Variants in RALB observed in about 807,000 individuals in gnomAD.
RALB encodes ras-related protein Ral-B.
A neutral mutation model predicts 21.3 loss-of-function variants in RALB; 16 were observed. The ratio of observed to expected loss-of-function variants is 0.75; its 90% confidence interval spans 0.51 to 1.14. The LOEUF (loss-of-function observed/expected upper bound fraction) is 1.14, where lower values mean the gene tolerates loss of function less well. RALB is among the 50% of genes most tolerant of loss of function. RALB has a pLI of 0.00. For missense variants in RALB, 161 were observed against 256.2 expected (o/e 0.63, Z 2.54); for synonymous variants, 93 against 96.1 (o/e 0.97, Z 0.19).
intron 1 of RALB, among the ~76,000 whole-genome samples, chr2:120,262,030 A>T (rs1689378125): frequency 6.6e-6 from 1 of 152,204 alleles, no homozygotes. Context: ...CTTGGCTGGG[A>T]CATCCACATG....
intron 1 of RALB, among the ~76,000 whole-genome samples, chr2:120,242,869 A>G (rs1688916255): frequency 6.6e-6 from 1 of 152,220 alleles, no homozygotes; most frequent in Non-Finnish European, 1.5e-5. Context: ...TGAGGCCATG[A>G]GTTCGAGACT....
chr2:120,281,911 G>A (rs1689999477), intron 2 of RALB, among the ~76,000 whole-genome samples: 1 of 152,082 alleles, frequency 6.6e-6, no homozygotes, highest in South Asian at 2.1e-4. Context: ...CTTCCCCAGG[G>A]AATATTCGTA....
chr2:120,265,682 T>C (rs1689484144), intron 1 of RALB, among the ~76,000 whole-genome samples: 1 of 152,200 alleles, frequency 6.6e-6, no homozygotes, highest in Non-Finnish European at 1.5e-5. Flanking sequence ...CTGCTAGGGC[T>C]CCAGTCCCAG....
At chr2:120,245,620 G>T (rs576725807) in intron 1 of RALB, among the ~76,000 whole-genome samples, 1 of 152,150 alleles carries the variant, frequency 6.6e-6, no homozygotes, top group Admixed American at 6.5e-5. Context: ...GCCTTGCTCC[G>T]GGGTGTGTAC....
upstream of RALB, among the ~76,000 whole-genome samples, chr2:120,248,833 C>T (rs1689011065): frequency 6.6e-6 from 1 of 152,048 alleles, no homozygotes; most frequent in Non-Finnish European, 1.5e-5. Context: ...CACTGTCTGG[C>T]TAATTTTTTT....
intron 1 of RALB, among the ~76,000 whole-genome samples, chr2:120,243,939 G>C (rs1688930507): frequency 6.6e-6 from 1 of 152,132 alleles, no homozygotes; most frequent in Non-Finnish European, 1.5e-5. Flanking sequence ...AACTACCCGA[G>C]ACTGGGTAAT....
chr2:120,276,793 C>T (rs1286597092), intron 1 of RALB, among the ~76,000 whole-genome samples: 2 of 152,076 alleles, frequency 1.3e-5, no homozygotes, highest in Non-Finnish European at 1.5e-5. Flanking sequence ...ATTTAGTCCT[C>T]AGAACATTCC....
chr2:120,286,998 A>G (rs2104657570), intron 3 of RALB, among the ~76,000 whole-genome samples: 1 of 152,250 alleles, frequency 6.6e-6, no homozygotes, highest in South Asian at 2.1e-4. Context: ...TACATAATTG[A>G]GTTTTAAAAA....
chr2:120,279,497 AT>A (rs368380428), intron 2 of RALB, among the ~76,000 whole-genome samples: 20 of 152,364 alleles, frequency 1.3e-4, no homozygotes, highest in African/African-American at 4.6e-4. Context: ...AAATTAAAAC[AT>A]GCAATGTAAC....
chr2:120,262,631 C>T (rs997196754), intron 1 of RALB, among the ~76,000 whole-genome samples: 1 of 152,168 alleles, frequency 6.6e-6, no homozygotes, highest in South Asian at 2.1e-4. Context: ...CCAAACGTGG[C>T]TGGGGAGGTG....
upstream of RALB, among the ~76,000 whole-genome samples, chr2:120,248,293 C>T (rs79483785): frequency 6.6e-6 from 1 of 152,288 alleles, no homozygotes; most frequent in African/African-American, 2.4e-5. Flanking sequence ...TATGAATACA[C>T]TCCTGCCAGC....
chr2:120,257,451 G>A (rs1266852812), intron 1 of RALB, among the ~76,000 whole-genome samples: 1 of 152,112 alleles, frequency 6.6e-6, no homozygotes, highest in African/African-American at 2.4e-5. Flanking sequence ...TGGATCCTGA[G>A]CCTGAGCCTG....
In RALB at chr2:120,256,839, G is replaced by GT. The variant is rs1250804912; in HGVS notation, c.-48+3860dup. Among the ~76,000 whole-genome samples the GT allele has an allele frequency of 5.9e-5, 9 of 152,324 alleles. No homozygotes were observed. The East Asian group carries it at 1.7e-3, about 29-fold the overall frequency. Reference sequence around the variant, plus strand: ...CAAGAGGGGAGGTCAGGGCACATCAGTATTCTTGGAGGCTAGCCACCACAA... The same window carrying GT: ...CAAGAGGGGAGGTCAGGGCACATCAGTTATTCTTGGAGGCTAGCCACCACAA... On this transcript the variant is annotated intron_variant, in intron 1 of 4. Coordinates refer to ENST00000272519, the MANE Select transcript of RALB (RefSeq NM_002881.3).
intron 1 of RALB, among the ~76,000 whole-genome samples, chr2:120,266,401 C>T (rs4274598): frequency 0.23 from 35,077 of 152,114 alleles, 4,190 homozygotes; most frequent in Middle Eastern, 0.3. Flanking sequence ...TGTGCCACTA[C>T]GCCCAGCTAA....
intron 4 of RALB, among the ~76,000 whole-genome samples, chr2:120,291,868 T>C (rs1403060677): frequency 1.3e-5 from 2 of 152,196 alleles, no homozygotes; most frequent in East Asian, 3.9e-4. Flanking sequence ...GGTAAATGCA[T>C]GTGGAGCCCC....
chr2:120,285,853 C>T (rs74540542), intron 2 of RALB, 21 bp from the exon 3 acceptor site: 31,222 of 1,598,432 alleles, frequency 0.02, 795 homozygotes, highest in East Asian at 0.11. Context: ...TGTTAATTAC[C>T]GATAATGTTT....
intron 1 of RALB, among the ~76,000 whole-genome samples, chr2:120,244,356 C>G (rs1266865716): frequency 1.3e-5 from 2 of 150,174 alleles, no homozygotes; most frequent in East Asian, 3.9e-4. Flanking sequence ...TTGGTTGGAG[C>G]TGCCGCTCAG....
chr2:120,240,084 G>A (rs573425113), exon 1 of RALB: 17 of 1,289,564 alleles, frequency 1.3e-5, no homozygotes, highest in African/African-American at 1.1e-4. Flanking sequence ...GCGGGAGAGC[G>A]GGTGGCAGGA....
chr2:120,240,848 G>C (rs866935103), intron 1 of RALB, among the ~76,000 whole-genome samples: 6 of 152,168 alleles, frequency 3.9e-5, no homozygotes, highest in African/African-American at 1.4e-4. Flanking sequence ...AGTGTGTGGG[G>C]ACTTGGGGAG....
Sources: allele counts gnomAD v4.1 joint callset (sites outside exome capture counted in the v4.1 genomes callset), GRCh38; gene constraint gnomAD v4.1.1; transcripts MANE v1.5; gene names NCBI Gene and HGNC (gene_info 2026-07-23, HGNC 2026-07-21).